The following FUT8 variants were observed in gnomAD, a reference collection of about 807,000 sequenced individuals.
The protein encoded by FUT8 is fucosyltransferase 8, also known as alpha-(1,6)-fucosyltransferase.
A neutral mutation model predicts 71.3 loss-of-function variants in FUT8; 29 were observed. That is an observed-to-expected ratio of 0.41 (90% confidence interval 0.30 to 0.55). The LOEUF (loss-of-function observed/expected upper bound fraction) is 0.55. Among genes scored for constraint, FUT8 ranks in the 20% least tolerant of loss-of-function variants. FUT8 has a pLI of 0.34. For missense variants in FUT8, 544 were observed against 702.1 expected (o/e 0.77, Z 2.55); for synonymous variants, 254 against 239.3 (o/e 1.06, Z -0.57).
Position 65,726,176 on chromosome 14 carries a change from C to G in FUT8, c.1259+1853C>G, listed in dbSNP as rs1594941431. On this transcript the variant is annotated intron_variant, in intron 9 of 10. Transcript: ENST00000673929. ...TACCATGTTTCTTCAATTTAAAACA[C>G]CAAACTGAATTTGTAGCTTGGTTGA... is the stretch of plus-strand genomic sequence containing the variant. Among the ~76,000 whole-genome samples the G allele has an allele frequency of 2.0e-5, 3 of 152,176 alleles. No homozygotes were observed. The East Asian group carries it at 5.8e-4, about 29-fold the overall frequency.
chr14:65,460,728 TAGAG>T (rs540894476), intron 2 of FUT8, among the ~76,000 whole-genome samples: 104 of 152,284 alleles, frequency 6.8e-4, no homozygotes, highest in African/African-American at 1.9e-3. Context: ...GGTAGGGTCT[TAGAG>T]AGGTCAAAAT....
At chr14:65,575,701 C>G (rs1338758600) in intron 3 of FUT8, among the ~76,000 whole-genome samples, 1 of 151,766 alleles carries the variant, frequency 6.6e-6, no homozygotes, top group African/African-American at 2.4e-5. Context: ...TTACTGCAAC[C>G]TCCACCTCCC....
At chr14:65,616,134 G>A (rs1053671424) in intron 4 of FUT8, 41 bp downstream of exon 4, 5 of 1,595,164 alleles carry the variant, frequency 3.1e-6, no homozygotes, top group Middle Eastern at 1.7e-4. Context: ...CAGTATATGG[G>A]CTTTAGCACA....
intron 5 of FUT8, 43 bp from the exon 6 acceptor site, chr14:65,629,449 C>A: frequency 8.3e-7 from 1 of 1,211,472 alleles, no homozygotes; most frequent in Non-Finnish European, 1.2e-6. Flanking sequence ...TCCAGTGAAG[C>A]AGTACAGACA....
At chr14:65,696,234 C>G (rs1015760184) in intron 7 of FUT8, among the ~76,000 whole-genome samples, 2 of 152,166 alleles carry the variant, frequency 1.3e-5, no homozygotes, top group African/African-American at 4.8e-5. Flanking sequence ...TTTTCCTTCT[C>G]TCTGAAGCTA....
chr14:65,549,827 T>A (rs1425465147), intron 2 of FUT8, among the ~76,000 whole-genome samples: 2 of 152,158 alleles, frequency 1.3e-5, no homozygotes, highest in Non-Finnish European at 2.9e-5. Flanking sequence ...TTTTCATTGC[T>A]CTGAAGGAAT....
chr14:65,609,716 A>T (rs974117591), intron 3 of FUT8, among the ~76,000 whole-genome samples: 1 of 151,786 alleles, frequency 6.6e-6, no homozygotes, highest in Non-Finnish European at 1.5e-5. Context: ...TCATTCATTC[A>T]TTCATTCATT....
At chr14:65,639,970 A>G (rs139351942) in intron 6 of FUT8, among the ~76,000 whole-genome samples, 39 of 152,266 alleles carry the variant, frequency 2.6e-4, no homozygotes, top group African/African-American at 8.9e-4. Flanking sequence ...AGTTTCCCCA[A>G]CTGCCAAATA....
At chr14:65,522,124 A>G (rs1403751239) in intron 2 of FUT8, among the ~76,000 whole-genome samples, 1 of 152,162 alleles carries the variant, frequency 6.6e-6, no homozygotes, top group African/African-American at 2.4e-5. Flanking sequence ...GATACTTGCT[A>G]TGGAAAACCT....
chr14:65,535,216 CAGCGTCATG>C (rs1420157882), intron 2 of FUT8, among the ~76,000 whole-genome samples: 1 of 152,042 alleles, frequency 6.6e-6, no homozygotes, highest in African/African-American at 2.4e-5. Context: ...TCTCATGCCT[CAGCGTCATG>C]AGTAGCTAGG....
chr14:65,406,186 C>T (rs2065088282), upstream of FUT8, among the ~76,000 whole-genome samples: 1 of 152,236 alleles, frequency 6.6e-6, no homozygotes, highest in Non-Finnish European at 1.5e-5. Flanking sequence ...TTTAATAGGG[C>T]TGCAATGTAT....
intron 2 of FUT8, among the ~76,000 whole-genome samples, chr14:65,506,665 G>T: frequency 6.6e-6 from 1 of 152,000 alleles, no homozygotes; most frequent in Non-Finnish European, 1.5e-5. Flanking sequence ...TACATAGTAG[G>T]TATATGTATT....
At chr14:65,631,023 G>A (rs751239807) in intron 6 of FUT8, among the ~76,000 whole-genome samples, 98 of 152,190 alleles carry the variant, frequency 6.4e-4, no homozygotes, top group Non-Finnish European at 1.2e-3. Flanking sequence ...AAAATCAAGT[G>A]TTTAAAGAGA....
At chr14:65,661,019 A>G (rs746366021) in intron 6 of FUT8, among the ~76,000 whole-genome samples, 21 of 152,202 alleles carry the variant, frequency 1.4e-4, no homozygotes, top group Non-Finnish European at 2.5e-4. Context: ...TAGTCTTCTG[A>G]TTAGAGCAGA....
At chr14:65,602,178 C>CT (rs1888322708) in intron 3 of FUT8, among the ~76,000 whole-genome samples, 1 of 150,848 alleles carries the variant, frequency 6.6e-6, no homozygotes, top group East Asian at 1.9e-4. Flanking sequence ...CTTCCTATGC[C>CT]TTTGTATCCT....
rs866499737 is a variant in FUT8 at position 65,429,887 on chromosome 14, A to G, written c.-326+16673A>G. 5.4e-3 allele frequency among the ~76,000 whole-genome samples: 765 copies of G among 141,506 alleles called. 9 individuals are homozygous for G. Among genetic ancestry groups the G allele is most frequent in the African/African-American group, 0.019 (711 of 38,316 alleles). The allele number at this position is 141,506 out of a possible 152,430, so 92.8% of individuals were successfully genotyped here. On this transcript the variant is annotated intron_variant, in intron 1 of 10. Coordinates refer to ENST00000673929, the MANE Select transcript of FUT8 (RefSeq NM_001371533.1). ...AAAAAAAAAAAAAAAAAAAAAAAAA[A>G]GACTTACAAGAGACTTTAAAGCAGC...
At chr14:65,666,072 A>T (rs1892196476) in intron 6 of FUT8, among the ~76,000 whole-genome samples, 1 of 152,140 alleles carries the variant, frequency 6.6e-6, no homozygotes, top group South Asian at 2.1e-4. Context: ...GTGTACCCTT[A>T]AACTTAAAAT....
At chr14:65,561,881 C>A in intron 3 of FUT8, 115 bp downstream of exon 3, 1 of 828,180 alleles carries the variant, frequency 1.2e-6, no homozygotes, top group Non-Finnish European at 1.9e-6. Context: ...GCTGTCTTTG[C>A]CACAACTTAG....
At chr14:65,716,352 C>G (rs1407233536) in intron 7 of FUT8, among the ~76,000 whole-genome samples, 1 of 146,296 alleles carries the variant, frequency 6.8e-6, no homozygotes, top group Non-Finnish European at 1.5e-5. Flanking sequence ...GAATTGATCC[C>G]TTTATCATTA....
Sources: allele counts gnomAD v4.1 joint callset (sites outside exome capture counted in the v4.1 genomes callset), GRCh38; gene constraint gnomAD v4.1.1; transcripts MANE v1.5; gene names NCBI Gene and HGNC (gene_info 2026-07-23, HGNC 2026-07-21).